The following CERS6 variants were observed in gnomAD, a reference collection of about 807,000 sequenced individuals.
CERS6 encodes the protein ceramide synthase 6.
A neutral mutation model predicts 56.8 loss-of-function variants in CERS6; 26 were observed. That is an observed-to-expected ratio of 0.46 (90% confidence interval 0.34 to 0.63). The LOEUF is 0.63. Ranked by LOEUF, CERS6 falls within the 30% of genes least tolerant of loss-of-function variation. The pLI is 0.01. For missense variants in CERS6, 415 were observed against 467.5 expected (o/e 0.89, Z 1.04); for synonymous variants, 164 against 173.3 (o/e 0.95, Z 0.42).
At chr2:168,667,919 T>G (rs192733174) in intron 4 of CERS6, among the ~76,000 whole-genome samples, 173 of 152,300 alleles carry the variant, frequency 1.1e-3, no homozygotes, top group Middle Eastern at 0.01. Flanking sequence ...TGGGGGAACC[T>G]CTGAACAGTC....
intron 4 of CERS6, among the ~76,000 whole-genome samples, chr2:168,663,738 G>A (rs1018185974): frequency 1.4e-4 from 21 of 151,702 alleles, no homozygotes; most frequent in African/African-American, 5.1e-4. Flanking sequence ...TCCACCGTAG[G>A]TATTCTTGTA....
At chr2:168,711,125 A>G (rs569322135) in intron 6 of CERS6, among the ~76,000 whole-genome samples, 149 of 152,352 alleles carry the variant, frequency 9.8e-4, no homozygotes, top group African/African-American at 3.4e-3. Flanking sequence ...ATCAATATGT[A>G]TGGTTGTCCA....
At chr2:168,686,489 T>A (rs1267678194) in intron 4 of CERS6, among the ~76,000 whole-genome samples, 5 of 149,352 alleles carry the variant, frequency 3.3e-5, no homozygotes, top group Non-Finnish European at 7.4e-5. Context: ...GCCTAAGGGA[T>A]CTTGTCAGTG....
At chr2:168,657,579 GC>G (rs1685515821) in intron 4 of CERS6, among the ~76,000 whole-genome samples, 1 of 152,252 alleles carries the variant, frequency 6.6e-6, no homozygotes, top group African/African-American at 2.4e-5. Flanking sequence ...CCCGAGCCCT[GC>G]CCCGTGGGAA....
intron 1 of CERS6, among the ~76,000 whole-genome samples, chr2:168,487,124 C>T (rs952070751): frequency 6.6e-6 from 1 of 152,136 alleles, no homozygotes; most frequent in Non-Finnish European, 1.5e-5. Flanking sequence ...TAAATCACAT[C>T]ACAAAATGTA....
At chr2:168,733,590 A>G (rs898783117) in intron 8 of CERS6, among the ~76,000 whole-genome samples, 4 of 152,238 alleles carry the variant, frequency 2.6e-5, no homozygotes, top group African/African-American at 4.8e-5. Flanking sequence ...GTCAGTTACT[A>G]GAGCCGTCAT....
intron 4 of CERS6, among the ~76,000 whole-genome samples, chr2:168,684,045 C>T (rs1187222038): frequency 2.0e-5 from 3 of 152,194 alleles, no homozygotes; most frequent in Non-Finnish European, 4.4e-5. Context: ...CCTATATATA[C>T]TTCACAGATC....
rs549603138 is a variant in CERS6, at chr2:168,584,415, T to C, written c.407+23093T>C. Among the ~76,000 whole-genome samples the C allele has an allele frequency of 6.6e-5, 10 of 152,292 alleles. No individual in the cohort carries two copies. In the East Asian group the frequency reaches 9.7e-4, roughly 15 times the overall value. On this transcript the variant is annotated intron_variant, in intron 3 of 9. Coordinates refer to ENST00000305747, the MANE Select transcript of CERS6 (RefSeq NM_203463.3). ...TTCACAGTGGAATCTGTTTGTGTAA[T>C]ATGTGTGAGAGAGAGAAAGACAGAC...
intron 3 of CERS6, among the ~76,000 whole-genome samples, chr2:168,587,626 G>A (rs748812838): frequency 3.9e-5 from 6 of 152,080 alleles, no homozygotes; most frequent in Non-Finnish European, 5.9e-5. Flanking sequence ...GTGAAAAACC[G>A]TCTTTGCCTT....
chr2:168,538,967 T>TA (rs1352936039), intron 1 of CERS6, among the ~76,000 whole-genome samples: 8,119 of 14,154 alleles, frequency 0.57, 4,042 homozygotes, highest in East Asian at 1. Context: ...ATATTGTTTT[T>TA]TTTTTTTTTT....
intron 8 of CERS6, among the ~76,000 whole-genome samples, chr2:168,720,094 ATTT>A (rs758972547): frequency 7.1e-6 from 1 of 140,574 alleles, no homozygotes. Flanking sequence ...GACCGGTCTA[ATTT>A]TTTTTTTTTT....
Position 168,769,642 on chromosome 2 carries a change from T to A in CERS6, c.1135T>A (p.Ser379Thr). 1.2e-6 allele frequency: 2 copies of A among 1,610,740 alleles called. No individual in the cohort carries two copies. Among genetic ancestry groups the A allele is most frequent in the Non-Finnish European group, 1.7e-6 (2 of 1,178,972 alleles). ...SGTNGYLLTG[S>T]CSMDD ...TACCAACGGGTATCTCCTGACTGGC[T>A]CCTGCTCCATGGATGATTAATTACT... The change falls in exon 10 of 10, where the codon TCC (serine) becomes ACC (threonine). Residue 379 changes from serine (S) to threonine (T), a missense_variant. Ser to Thr is a moderately conservative substitution (Grantham distance 58). Coordinates refer to ENST00000305747, the MANE Select transcript of CERS6 (RefSeq NM_203463.3).
intron 1 of CERS6, among the ~76,000 whole-genome samples, chr2:168,537,984 C>T (rs1464866614): frequency 6.6e-6 from 1 of 152,190 alleles, no homozygotes; most frequent in Admixed American, 6.5e-5. Flanking sequence ...CATGTTCAGT[C>T]TGTCAGTGGA....
At chr2:168,601,000 A>G (rs1683920331) in intron 3 of CERS6, among the ~76,000 whole-genome samples, 2 of 152,156 alleles carry the variant, frequency 1.3e-5, no homozygotes, top group Non-Finnish European at 2.9e-5. Flanking sequence ...GTTGATGTCC[A>G]CTACCCTCTA....
At chr2:168,499,299 G>A (rs931952565) in intron 1 of CERS6, among the ~76,000 whole-genome samples, 4 of 152,186 alleles carry the variant, frequency 2.6e-5, no homozygotes, top group African/African-American at 7.2e-5. Flanking sequence ...GCGAGGTTAC[G>A]AAATGGACTT....
chr2:168,719,232 A>G (rs1438697973), intron 8 of CERS6, among the ~76,000 whole-genome samples: 2 of 152,124 alleles, frequency 1.3e-5, no homozygotes, highest in African/African-American at 4.8e-5. Flanking sequence ...TTAATATTCC[A>G]GTTTATAATT....
chr2:168,547,829 G>T, intron 2 of CERS6, 128 bp downstream of exon 2: 4 of 664,932 alleles, frequency 6.0e-6, no homozygotes, highest in South Asian at 3.6e-5. Flanking sequence ...AGAACGTGTT[G>T]TCAGAAGGAA....
At chr2:168,750,674 A>G (rs1325926393) in intron 8 of CERS6, among the ~76,000 whole-genome samples, 2 of 152,226 alleles carry the variant, frequency 1.3e-5, no homozygotes, top group Non-Finnish European at 2.9e-5. Context: ...GGATGTTTCC[A>G]GTGGCTTGCT....
chr2:168,748,831 T>TGGGGGGGGG (rs72341847), intron 8 of CERS6, among the ~76,000 whole-genome samples: 2 of 89,422 alleles, frequency 2.2e-5, no homozygotes, highest in South Asian at 4.7e-4. Flanking sequence ...TGGTTGGGGG[T>TGGGGGGGGG]GGGGGGGGGG....
Sources: allele counts gnomAD v4.1 joint callset (sites outside exome capture counted in the v4.1 genomes callset), GRCh38; gene constraint gnomAD v4.1.1; transcripts MANE v1.5; gene names NCBI Gene and HGNC (gene_info 2026-07-23, HGNC 2026-07-21).